The following RBFOX1 variants were observed in gnomAD, a reference collection of about 807,000 sequenced individuals.
The protein encoded by RBFOX1 is RNA binding fox-1 homolog 1.
A neutral mutation model predicts 57.7 loss-of-function variants in RBFOX1; 8 were observed. That is an observed-to-expected ratio of 0.14 (90% CI 0.08 to 0.25). The LOEUF (loss-of-function observed/expected upper bound fraction) is 0.25. RBFOX1 is among the 10% of genes least tolerant of loss of function. RBFOX1 has a pLI of 1.00. For synonymous variants in RBFOX1, 326 were observed against 222.4 expected, an observed-to-expected ratio of 1.47 and a Z score of -4.15; for missense variants, 611 against 548.5, an observed-to-expected ratio of 1.11 and a Z score of -1.14.
intron 2 of RBFOX1, among the ~76,000 whole-genome samples, chr16:6,341,300 G>A (rs2084535338): frequency 6.6e-6 from 1 of 152,036 alleles, no homozygotes; most frequent in Non-Finnish European, 1.5e-5. Flanking sequence ...AGCCGACAAT[G>A]GCAGGTTGAG....
At position 7,642,688 on chromosome 16, in the gene RBFOX1, G is replaced by T. The variant is rs939034650; in HGVS notation, c.758-11127G>T. 1.3e-5 allele frequency among the ~76,000 whole-genome samples: 2 copies of T among 149,446 alleles called. 1 individual carries two copies. The highest frequency in any genetic ancestry group is 4.2e-4 in the South Asian group (2 of 4,708). On this transcript the variant is annotated intron_variant, in intron 11 of 15. Transcript: ENST00000550418. ...TAAAGTAATTATATAAATTATTTGG[G>T]TTTTTTTTTTCCGTGGTTTCCCGGG...
chr16:5,407,319 A>G (rs562869413), intron 1 of RBFOX1, among the ~76,000 whole-genome samples: 1 of 152,152 alleles, frequency 6.6e-6, no homozygotes, highest in Non-Finnish European at 1.5e-5. Context: ...GGGTGGGGAC[A>G]CAATGCCTAA....
chr16:6,747,460 CTGTCTGTCTGTCTGTT>C (rs1341021051), intron 3 of RBFOX1, among the ~76,000 whole-genome samples: 25 of 151,434 alleles, frequency 1.7e-4, no homozygotes, highest in Non-Finnish European at 1.5e-5. Flanking sequence ...GTCTGTCTGT[CTGTCTGTCTGTCTGTT>C]TATCTATCTG....
intron 3 of RBFOX1, among the ~76,000 whole-genome samples, chr16:6,980,159 GCCTCCGC>G (rs1387897327): frequency 1.3e-5 from 2 of 152,130 alleles, no homozygotes; most frequent in Non-Finnish European, 2.9e-5. Flanking sequence ...CTTCAATTAA[GCCTCCGC>G]AGTTAGGATT....
At chr16:7,113,235 G>A (rs1353682613) in intron 4 of RBFOX1, among the ~76,000 whole-genome samples, 1 of 152,182 alleles carries the variant, frequency 6.6e-6, no homozygotes, top group African/African-American at 2.4e-5. Context: ...CTGTGGAGTT[G>A]ATTTGAATGG....
Position 7,496,007 on chromosome 16 carries a change from TAAG to T in RBFOX1, c.28-22137_28-22135del, listed in dbSNP as rs568658942. ...TACTTCCATACAGAGAAGAAGCTAA[TAAG>T]AACGTTCCAGAGAGATCCTACAGAA... is the stretch of plus-strand genomic sequence containing the variant. On this transcript the variant is annotated intron_variant, in intron 4 of 15. Coordinates refer to ENST00000550418, the MANE Select transcript of RBFOX1 (RefSeq NM_018723.4). Among the ~76,000 whole-genome samples the T allele has an allele frequency of 4.6e-5, 7 of 152,322 alleles. No individual in the cohort carries two copies. The South Asian group carries it at 1.4e-3, about 32-fold the overall frequency.
chr16:5,461,348 G>A (rs993667822), intron 1 of RBFOX1, among the ~76,000 whole-genome samples: 3 of 152,224 alleles, frequency 2.0e-5, no homozygotes, highest in South Asian at 4.2e-4. Context: ...CGTTTCCCAC[G>A]CCTCCTTTCC....
chr16:5,450,688 C>G (rs573752613), intron 1 of RBFOX1, among the ~76,000 whole-genome samples: 1 of 152,222 alleles, frequency 6.6e-6, no homozygotes, highest in East Asian at 1.9e-4. Flanking sequence ...GGAAACTTGC[C>G]ACCACCACCG....
At chr16:6,625,330 A>C (rs960282009) in intron 2 of RBFOX1, among the ~76,000 whole-genome samples, 2 of 152,114 alleles carry the variant, frequency 1.3e-5, no homozygotes, top group East Asian at 1.9e-4. Context: ...AAATGTAGCT[A>C]ATTTCTTCAT....
intron 2 of RBFOX1, among the ~76,000 whole-genome samples, chr16:6,562,385 A>G (rs890070920): frequency 6.6e-6 from 1 of 152,220 alleles, no homozygotes; most frequent in Non-Finnish European, 1.5e-5. Flanking sequence ...TAAACTGTGT[A>G]TCACTCTTCA....
At chr16:6,734,092 C>G (rs186308928) in intron 3 of RBFOX1, among the ~76,000 whole-genome samples, 4 of 152,152 alleles carry the variant, frequency 2.6e-5, no homozygotes, top group African/African-American at 7.2e-5. Flanking sequence ...GTATGAAATT[C>G]CAGTCTTATT....
intron 2 of RBFOX1, among the ~76,000 whole-genome samples, chr16:6,373,376 G>GT (rs2090750603): frequency 6.7e-6 from 1 of 150,294 alleles, no homozygotes; most frequent in Non-Finnish European, 1.5e-5. Flanking sequence ...TGGAAGGATA[G>GT]TTTTTTAGGA....
chr16:7,689,825 A>C (rs1252277296), intron 14 of RBFOX1, among the ~76,000 whole-genome samples: 1 of 152,108 alleles, frequency 6.6e-6, no homozygotes, highest in Non-Finnish European at 1.5e-5. Context: ...TGATATGGCC[A>C]CTGTAGAGCA....
chr16:7,059,149 A>G (rs188713242), intron 4 of RBFOX1, among the ~76,000 whole-genome samples: 1 of 152,306 alleles, frequency 6.6e-6, no homozygotes, highest in East Asian at 1.9e-4. Flanking sequence ...GAAACTTCCC[A>G]ACTGCCTTGC....
chr16:6,812,656 C>T (rs764011294), intron 3 of RBFOX1, among the ~76,000 whole-genome samples: 29 of 152,118 alleles, frequency 1.9e-4, no homozygotes, highest in Admixed American at 6.5e-4. Flanking sequence ...GGATTACAGG[C>T]GTGAGCTACC....
chr16:5,637,637 C>T (rs1490672766), intron 3 of RBFOX1, among the ~76,000 whole-genome samples: 2 of 152,168 alleles, frequency 1.3e-5, no homozygotes, highest in African/African-American at 4.8e-5. Context: ...TTTTTCAAGG[C>T]CCTGACACCA....
intron 1 of RBFOX1, among the ~76,000 whole-genome samples, chr16:5,424,911 C>CTTTCTTTT (rs2067481118): frequency 9.8e-6 from 1 of 102,506 alleles, no homozygotes; most frequent in Non-Finnish European, 2.0e-5. Context: ...TTCTTTCTTT[C>CTTTCTTTT]TTTCTTTCTT....
chr16:5,426,028 T>C (rs749777661), intron 1 of RBFOX1, among the ~76,000 whole-genome samples: 6 of 152,136 alleles, frequency 3.9e-5, no homozygotes, highest in African/African-American at 1.4e-4. Context: ...GTGGAAGGCA[T>C]GGAAACGGAA....
intron 5 of RBFOX1, among the ~76,000 whole-genome samples, chr16:7,522,026 C>T (rs942638432): frequency 1.3e-5 from 2 of 152,188 alleles, no homozygotes; most frequent in African/African-American, 4.8e-5. Context: ...ATCTCCATTC[C>T]TGGCTTGTGT....
Sources: gnomAD v4.1 joint callset for allele counts (sites outside exome capture counted in the v4.1 genomes callset) on GRCh38, gnomAD v4.1.1 for gene constraint, MANE v1.5 for transcripts, NCBI Gene and HGNC (gene_info 2026-07-23, HGNC 2026-07-21) for gene names.